ENTREP1: variants seen among roughly 807,000 people sequenced by gnomAD.
The protein encoded by ENTREP1 is endosomal transmembrane epsin interactor 1, also known as Friedreich ataxia region gene X123.
chr9:69,367,692 C>G, the ENTREP1 span, among the ~76,000 whole-genome samples: 1 of 87,702 alleles, frequency 1.1e-5, no homozygotes, highest in Non-Finnish European at 2.5e-5. Context: ...TATATATATA[C>G]ACATATATAT....
chr9:69,329,612 G>A, the ENTREP1 span: 8 of 985,032 alleles, frequency 8.1e-6, no homozygotes, highest in African/African-American at 3.5e-5. Context: ...TGGTATCACC[G>A]GTAAATCACT....
At chr9:69,337,310 C>T in the ENTREP1 span, among the ~76,000 whole-genome samples, 9 of 152,002 alleles carry the variant, frequency 5.9e-5, no homozygotes, top group Admixed American at 5.9e-4. Flanking sequence ...GCCTGGACTC[C>T]TCTATATTCT....
At chr9:69,377,700 C>T in the ENTREP1 span, 1 of 1,614,020 alleles carries the variant, frequency 6.2e-7, no homozygotes, top group African/African-American at 1.3e-5. Flanking sequence ...CTCCCCCTTC[C>T]TATTTTGCCA....
chr9:69,370,622 G>C, the ENTREP1 span, among the ~76,000 whole-genome samples: 1 of 152,248 alleles, frequency 6.6e-6, no homozygotes, highest in South Asian at 2.1e-4. Context: ...ATTAAACATT[G>C]ACTCATAAAA....
At chr9:69,351,368 T>G in the ENTREP1 span, among the ~76,000 whole-genome samples, 1 of 152,172 alleles carries the variant, frequency 6.6e-6, no homozygotes, top group South Asian at 2.1e-4. Flanking sequence ...TCTTCAACAC[T>G]GAGAAATTTT....
the ENTREP1 span, among the ~76,000 whole-genome samples, chr9:69,341,781 T>C: frequency 2.5e-4 from 38 of 152,240 alleles, no homozygotes; most frequent in Non-Finnish European, 4.3e-4. Context: ...GCTTTGGCAG[T>C]TGAGTTCTTT....
At chr9:69,342,770 C>A in the ENTREP1 span, among the ~76,000 whole-genome samples, 3 of 152,218 alleles carry the variant, frequency 2.0e-5, no homozygotes, top group Non-Finnish European at 4.4e-5. Context: ...TATGTAACAA[C>A]CCATGGTAGA....
At chr9:69,383,359 C>G in the ENTREP1 span, 6 of 1,222,748 alleles carry the variant, frequency 4.9e-6, no homozygotes, top group African/African-American at 3.1e-5. Context: ...CTAATCTGCT[C>G]TGTGTCTCTA....
chr9:69,377,740 C>T, the ENTREP1 span: 44 of 1,610,818 alleles, frequency 2.7e-5, no homozygotes, highest in East Asian at 1.1e-4. Context: ...CCGGATGAAC[C>T]GCAGGTATCG....
the ENTREP1 span, among the ~76,000 whole-genome samples, chr9:69,379,315 C>G: frequency 1.3e-5 from 2 of 152,214 alleles, no homozygotes; most frequent in Admixed American, 1.3e-4. Context: ...ACTCGTCCCT[C>G]AGTTATACCT....
chr9:69,358,323 A>G, the ENTREP1 span, among the ~76,000 whole-genome samples: 1 of 152,188 alleles, frequency 6.6e-6, no homozygotes, highest in Non-Finnish European at 1.5e-5. Flanking sequence ...GCCTGTCTGT[A>G]TATGTCCTAG....
At chr9:69,324,757 CAA>C in the ENTREP1 span, 1 of 985,714 alleles carries the variant, frequency 1.0e-6, no homozygotes, top group Non-Finnish European at 1.2e-6. Context: ...CCTCCTTGGG[CAA>C]AAGTTTAAGG....
the ENTREP1 span, among the ~76,000 whole-genome samples, chr9:69,328,241 C>T: frequency 6.6e-6 from 1 of 152,208 alleles, no homozygotes; most frequent in East Asian, 1.9e-4. Context: ...CTCCCTAGTC[C>T]ATTTGTGAGA....
chr9:69,377,106 A>G, the ENTREP1 span, among the ~76,000 whole-genome samples: 2 of 152,332 alleles, frequency 1.3e-5, no homozygotes, highest in African/African-American at 4.8e-5. Flanking sequence ...AAATACTATC[A>G]TACCACGTTG....
At chr9:69,388,698 C>T in the ENTREP1 span, among the ~76,000 whole-genome samples, 1 of 152,110 alleles carries the variant, frequency 6.6e-6, no homozygotes, top group Admixed American at 6.5e-5. Flanking sequence ...GGAAGCATGT[C>T]TGGGAAAATT....
At chr9:69,326,922 G>T in the ENTREP1 span, among the ~76,000 whole-genome samples, 132,366 of 151,104 alleles carry the variant, frequency 0.88, 58,197 homozygotes, top group African/African-American at 0.95. Flanking sequence ...ATGCTGCTAG[G>T]TTTTAGTAAG....
At chr9:69,325,589 G>C in the ENTREP1 span, 4 of 1,226,068 alleles carry the variant, frequency 3.3e-6, no homozygotes, top group Non-Finnish European at 4.1e-6. Context: ...GCTGCTGCCC[G>C]CCCGCCCGCT....
the ENTREP1 span, among the ~76,000 whole-genome samples, chr9:69,353,670 G>A: frequency 2.0e-5 from 3 of 152,120 alleles, no homozygotes; most frequent in African/African-American, 7.2e-5. Flanking sequence ...CAAAACCTTT[G>A]TAACTGAAGT....
chr9:69,355,270 A>T, the ENTREP1 span, among the ~76,000 whole-genome samples: 2 of 152,162 alleles, frequency 1.3e-5, no homozygotes, highest in Non-Finnish European at 2.9e-5. Context: ...ATCTTAAATC[A>T]TTTGTTCGGT....
Sources: allele counts gnomAD v4.1 joint callset (sites outside exome capture counted in the v4.1 genomes callset), GRCh38; gene constraint gnomAD v4.1.1; transcripts MANE v1.5; gene names NCBI Gene and HGNC (gene_info 2026-07-23, HGNC 2026-07-21).